The following ATP2B2 variants were observed in gnomAD, a reference collection of about 807,000 sequenced individuals.
ATP2B2 encodes the protein plasma membrane calcium-transporting ATPase 2.
In ATP2B2, 15 loss-of-function variants were observed where a neutral mutation model predicts 120.0. The observed-to-expected ratio is 0.12, with a 90% CI of 0.08 to 0.19. ATP2B2 has a LOEUF of 0.19. Among genes scored for constraint, ATP2B2 ranks in the 10% least tolerant of loss-of-function variants. The pLI is 1.00. For missense variants in ATP2B2, 1,045 were observed against 1,719.8 expected, an observed-to-expected ratio of 0.61 and a Z score of 6.94; for synonymous variants, 694 against 700.3, an observed-to-expected ratio of 0.99 and a Z score of 0.14.
chr3:10,335,727 T>C (rs1436674724), intron 22 of ATP2B2, among the ~76,000 whole-genome samples: 1 of 152,208 alleles, frequency 6.6e-6, no homozygotes, highest in Admixed American at 6.5e-5. Flanking sequence ...CTTGCCTTGG[T>C]GGTCCAGGCT....
intron 3 of ATP2B2, among the ~76,000 whole-genome samples, chr3:10,515,969 T>C (rs1222478362): frequency 6.6e-6 from 1 of 152,086 alleles, no homozygotes; most frequent in African/African-American, 2.4e-5. Flanking sequence ...TGTTCTGGAG[T>C]TGCTTATACT....
rs190219001 is a variant in ATP2B2, at chr3:10,339,373, T to C, written c.3237+869A>G. On this transcript the variant is annotated intron_variant, in intron 21 of 22. Transcript: ENST00000360273. ...TTCTCACTCTAGCCTGCAGACAGCT[T>C]GAAGGCAAGAAAAATGCCTCCCACC... Among the ~76,000 whole-genome samples the C allele has an allele frequency of 1.1e-4, 17 of 152,300 alleles. No individual in the cohort carries two copies. In the East Asian group the frequency reaches 3.3e-3, roughly 29 times the overall value.
At chr3:10,335,032 T>C (rs33266) in intron 22 of ATP2B2, among the ~76,000 whole-genome samples, 111,629 of 151,922 alleles carry the variant, frequency 0.73, 42,321 homozygotes, top group East Asian at 1. Context: ...ACTTGTTCCC[T>C]ATGGGGCCCG....
intron 12 of ATP2B2, among the ~76,000 whole-genome samples, chr3:10,360,622 C>T (rs1375229562): frequency 1.3e-5 from 2 of 152,222 alleles, no homozygotes; most frequent in Non-Finnish European, 2.9e-5. Flanking sequence ...TTGTAATTCA[C>T]ATGCAATAAG....
intron 2 of ATP2B2, among the ~76,000 whole-genome samples, chr3:10,444,625 C>T (rs1233362945): frequency 2.0e-5 from 3 of 152,210 alleles, no homozygotes; most frequent in Admixed American, 6.5e-5. Context: ...TTATCAACCC[C>T]GCCAGGAAAC....
intron 2 of ATP2B2, among the ~76,000 whole-genome samples, chr3:10,444,530 C>G (rs1048916308): frequency 6.6e-5 from 10 of 152,256 alleles, no homozygotes; most frequent in Non-Finnish European, 1.2e-4. Flanking sequence ...GGGATTCATA[C>G]AAAATTAACC....
chr3:10,479,109 C>G (rs979688921), intron 1 of ATP2B2, among the ~76,000 whole-genome samples: 9 of 152,208 alleles, frequency 5.9e-5, no homozygotes, highest in African/African-American at 2.2e-4. Flanking sequence ...ATAAAATTAC[C>G]CAGTTGCAGA....
intron 1 of ATP2B2, among the ~76,000 whole-genome samples, chr3:10,684,817 AG>A (rs1400915261): frequency 6.6e-6 from 1 of 152,246 alleles, no homozygotes; most frequent in African/African-American, 2.4e-5. Context: ...ACAAGTTCCA[AG>A]GGTGATCTTT....
At chr3:10,585,776 C>T (rs2068496415) in intron 2 of ATP2B2, among the ~76,000 whole-genome samples, 1 of 152,126 alleles carries the variant, frequency 6.6e-6, no homozygotes, top group South Asian at 2.1e-4. Context: ...CTTTCCCTTA[C>T]CTCCCTCCCT....
intron 1 of ATP2B2, among the ~76,000 whole-genome samples, chr3:10,673,364 C>T (rs188427505): frequency 2.4e-4 from 37 of 151,352 alleles, no homozygotes; most frequent in African/African-American, 8.5e-4. Context: ...AGGGTCCTCA[C>T]ATCTAATTTC....
intron 10 of ATP2B2, among the ~76,000 whole-genome samples, chr3:10,376,646 A>G (rs13071035): frequency 0.37 from 56,894 of 152,104 alleles, 11,272 homozygotes; most frequent in East Asian, 0.67. Flanking sequence ...TGACAGAGGA[A>G]GAGCCTGCTC....
chr3:10,671,308 C>T (rs1384944921), intron 1 of ATP2B2, among the ~76,000 whole-genome samples: 2 of 152,218 alleles, frequency 1.3e-5, no homozygotes, highest in African/African-American at 2.4e-5. Context: ...ATCGACTGCT[C>T]TGTGGTTTGG....
intron 1 of ATP2B2, among the ~76,000 whole-genome samples, chr3:10,686,967 A>G (rs1309750750): frequency 6.6e-6 from 1 of 152,248 alleles, no homozygotes; most frequent in Non-Finnish European, 1.5e-5. Context: ...AGTCTGGGAT[A>G]TTAGAGAGGC....
intron 2 of ATP2B2, among the ~76,000 whole-genome samples, chr3:10,595,045 A>G (rs79287817): frequency 2.0e-5 from 3 of 152,360 alleles, no homozygotes; most frequent in Non-Finnish European, 2.9e-5. Flanking sequence ...GTTAACTGCA[A>G]TATTTCGGGA....
intron 14 of ATP2B2, among the ~76,000 whole-genome samples, chr3:10,352,527 G>A (rs976098243): frequency 1.3e-5 from 2 of 152,228 alleles, no homozygotes; most frequent in African/African-American, 2.4e-5. Context: ...TGATCTCCCC[G>A]TTGTTGAAGG....
At position 10,449,332 on chromosome 3, in the gene ATP2B2, C is replaced by G; in HGVS notation, c.199+13G>C. 2 of 1,614,180 alleles carry G rather than the reference C, an allele frequency of 1.2e-6. No individual in the cohort carries two copies. Among genetic ancestry groups the G allele is most frequent in the Non-Finnish European group, 1.7e-6 (2 of 1,179,996 alleles). On this transcript the variant is annotated intron_variant, in intron 2 of 22. Coordinates refer to ENST00000360273, the MANE Select transcript of ATP2B2 (RefSeq NM_001001331.4). Reference sequence around the variant, plus strand: ...CTAGGCTGCAGCCCTGGGTTCAAGTCTTGAACACTTACCTTCAACAGGTGA... The same window carrying G: ...CTAGGCTGCAGCCCTGGGTTCAAGTGTTGAACACTTACCTTCAACAGGTGA...
chr3:10,425,369 G>A (rs1489984198), intron 2 of ATP2B2, among the ~76,000 whole-genome samples: 1 of 152,086 alleles, frequency 6.6e-6, no homozygotes, highest in Non-Finnish European at 1.5e-5. Flanking sequence ...CTTTAAAGGG[G>A]AAGTCAATAT....
chr3:10,502,264 C>A (rs2066426544), intron 1 of ATP2B2, among the ~76,000 whole-genome samples: 1 of 152,222 alleles, frequency 6.6e-6, no homozygotes, highest in Non-Finnish European at 1.5e-5. Context: ...TCGTGCACAG[C>A]CCTCTACAGT....
intron 5 of ATP2B2, among the ~76,000 whole-genome samples, chr3:10,399,679 A>G (rs2062155167): frequency 6.6e-6 from 1 of 152,082 alleles, no homozygotes; most frequent in Admixed American, 6.5e-5. Flanking sequence ...CCCCACCTCT[A>G]TTCTCACTCC....
Sources: gnomAD v4.1 joint callset for allele counts (sites outside exome capture counted in the v4.1 genomes callset) on GRCh38, gnomAD v4.1.1 for gene constraint, MANE v1.5 for transcripts, NCBI Gene and HGNC (gene_info 2026-07-23, HGNC 2026-07-21) for gene names.